PPP2R5E: variants seen among roughly 807,000 people sequenced by gnomAD.
PPP2R5E encodes the protein serine/threonine-protein phosphatase 2A 56 kDa regulatory subunit epsilon isoform.
In PPP2R5E, 4 loss-of-function variants were observed where a neutral mutation model predicts 65.3. The ratio of observed to expected loss-of-function variants is 0.06; its 90% CI spans 0.03 to 0.14. PPP2R5E has a LOEUF of 0.14. Among genes scored for constraint, PPP2R5E ranks in the 10% least tolerant of loss-of-function variants. The pLI, the probability that PPP2R5E is intolerant of heterozygous loss-of-function variation, is 1.00. For synonymous variants in PPP2R5E, 183 were observed against 187.4 expected (o/e 0.98, Z 0.19); for missense variants, 274 against 556.1 (o/e 0.49, Z 5.10).
Position 63,465,450 on chromosome 14 carries a change from CAAAAAAAAAAAA to C in PPP2R5E, c.158-11577_158-11566del, listed in dbSNP as rs1171345415. On this transcript the variant is annotated intron_variant, in intron 2 of 13. Transcript: ENST00000337537. ...GCAACATGGTAAAACTCCACCTCTA[CAAAAAAAAAAAA>C]AAAAAAAAAAACAACAACTAACAAA... Among the ~76,000 whole-genome samples the C allele has an allele frequency of 1.5e-4, 7 of 47,384 alleles. No individual in the cohort carries two copies. The East Asian group carries it at 3.7e-3, about 25-fold the overall frequency. 31.1% of individuals were successfully genotyped at this position (47,384 alleles called of 152,430 possible). A position where few individuals can be genotyped will look rare whatever the true frequency, so the allele number is the denominator to read the frequency against.
chr14:63,460,039 A>G (rs1331395632), intron 2 of PPP2R5E, among the ~76,000 whole-genome samples: 1 of 152,208 alleles, frequency 6.6e-6, no homozygotes, highest in African/African-American at 2.4e-5. Context: ...TTAAAGGTTC[A>G]AAACGTGTCA....
chr14:63,496,697 T>G (rs1191798382), intron 2 of PPP2R5E, among the ~76,000 whole-genome samples: 1 of 152,134 alleles, frequency 6.6e-6, no homozygotes, highest in Non-Finnish European at 1.5e-5. Flanking sequence ...ATGATTCTAA[T>G]TTTCCTTTTC....
intron 5 of PPP2R5E, among the ~76,000 whole-genome samples, chr14:63,412,763 G>A (rs188281815): frequency 2.6e-5 from 4 of 152,286 alleles, no homozygotes; most frequent in African/African-American, 9.6e-5. Flanking sequence ...ATGAAGAGGG[G>A]TAGCCAAAGC....
intron 5 of PPP2R5E, among the ~76,000 whole-genome samples, chr14:63,403,192 G>A (rs1051046764): frequency 3.3e-5 from 5 of 151,970 alleles, no homozygotes; most frequent in African/African-American, 4.8e-5. Flanking sequence ...TTTGGAAGAC[G>A]AAGGCGGGCT....
chr14:63,514,717 C>T (rs942100947), intron 2 of PPP2R5E, among the ~76,000 whole-genome samples: 1 of 152,088 alleles, frequency 6.6e-6, no homozygotes, highest in Admixed American at 6.5e-5. Flanking sequence ...AGAATACAAT[C>T]GTAAATGGAC....
At chr14:63,503,449 C>T (rs998197138) in intron 2 of PPP2R5E, among the ~76,000 whole-genome samples, 2 of 152,186 alleles carry the variant, frequency 1.3e-5, no homozygotes, top group Non-Finnish European at 2.9e-5. Context: ...ACCTGGACTG[C>T]ATATCCCCCA....
chr14:63,441,935 A>C (rs1340026258), intron 3 of PPP2R5E, among the ~76,000 whole-genome samples: 1 of 151,898 alleles, frequency 6.6e-6, no homozygotes, highest in African/African-American at 2.4e-5. Flanking sequence ...AATACACAGA[A>C]TACACAAAAT....
intron 10 of PPP2R5E, 73 bp downstream of exon 10, chr14:63,391,744 T>C (rs1335890204): frequency 7.9e-6 from 12 of 1,512,336 alleles, no homozygotes; most frequent in African/African-American, 6.9e-5. Flanking sequence ...GTTTTATACA[T>C]GCTTAGCCCA....
At chr14:63,416,192 C>T (rs1035774185) in intron 4 of PPP2R5E, among the ~76,000 whole-genome samples, 2 of 152,206 alleles carry the variant, frequency 1.3e-5, no homozygotes, top group Non-Finnish European at 2.9e-5. Context: ...CAACTGCCTG[C>T]GCCTGCAGTC....
intron 2 of PPP2R5E, among the ~76,000 whole-genome samples, chr14:63,531,367 T>A (rs1893427302): frequency 1.3e-5 from 2 of 150,258 alleles, no homozygotes; most frequent in Admixed American, 1.3e-4. Flanking sequence ...TTCCCACCTA[T>A]GAGTGAGAAC....
chr14:63,473,670 A>G (rs1890247938), intron 2 of PPP2R5E, among the ~76,000 whole-genome samples: 1 of 152,260 alleles, frequency 6.6e-6, no homozygotes, highest in African/African-American at 2.4e-5. Flanking sequence ...AGAGGCTGAG[A>G]CAGGGCTAAT....
chr14:63,390,356 A>G (rs1884949092), intron 10 of PPP2R5E, among the ~76,000 whole-genome samples: 1 of 151,908 alleles, frequency 6.6e-6, no homozygotes, highest in Non-Finnish European at 1.5e-5. Context: ...TACAAAGCAC[A>G]GTGAATCTTG....
intron 2 of PPP2R5E, among the ~76,000 whole-genome samples, chr14:63,506,617 T>C (rs944765505): frequency 1.3e-5 from 2 of 152,084 alleles, no homozygotes; most frequent in African/African-American, 4.8e-5. Flanking sequence ...CCCAATAAGA[T>C]GACTATCATC....
intron 3 of PPP2R5E, among the ~76,000 whole-genome samples, chr14:63,442,948 T>C (rs936257272): frequency 1.3e-5 from 2 of 152,202 alleles, no homozygotes; most frequent in Non-Finnish European, 2.9e-5. Flanking sequence ...AGAAACTCTC[T>C]GCCCTTCAGC....
chr14:63,527,180 A>G (rs1342897807), intron 2 of PPP2R5E, among the ~76,000 whole-genome samples: 2 of 152,122 alleles, frequency 1.3e-5, no homozygotes, highest in Non-Finnish European at 2.9e-5. Flanking sequence ...AAAAAAAAAG[A>G]AAGTTTATCT....
chr14:63,450,257 T>G (rs1296789637), intron 3 of PPP2R5E, among the ~76,000 whole-genome samples: 1 of 152,218 alleles, frequency 6.6e-6, no homozygotes, highest in Non-Finnish European at 1.5e-5. Context: ...AATTAGTAGC[T>G]AACAATTTCA....
chr14:63,521,296 C>T (rs1441348954), intron 2 of PPP2R5E, among the ~76,000 whole-genome samples: 1 of 152,220 alleles, frequency 6.6e-6, no homozygotes, highest in African/African-American at 2.4e-5. Flanking sequence ...TTCATCTAAA[C>T]TGTTTTTGAT....
At chr14:63,461,133 C>T (rs182489400) in intron 2 of PPP2R5E, among the ~76,000 whole-genome samples, 23 of 152,312 alleles carry the variant, frequency 1.5e-4, no homozygotes, top group African/African-American at 5.5e-4. Context: ...CTGACAAAGT[C>T]AATGTCTTTA....
intron 4 of PPP2R5E, among the ~76,000 whole-genome samples, chr14:63,417,970 T>C (rs1886795888): frequency 6.6e-6 from 1 of 152,200 alleles, no homozygotes; most frequent in Non-Finnish European, 1.5e-5. Context: ...TAAATGTTTC[T>C]TCTCACGTCA....
Sources: gnomAD v4.1 joint callset for allele counts (sites outside exome capture counted in the v4.1 genomes callset) on GRCh38, gnomAD v4.1.1 for gene constraint, MANE v1.5 for transcripts, NCBI Gene and HGNC (gene_info 2026-07-23, HGNC 2026-07-21) for gene names.